GALNT2: variants seen among roughly 807,000 people sequenced by gnomAD.
The protein encoded by GALNT2 is UDP-GalNAc:polypeptide N-acetylgalactosaminyltransferase 2.
GALNT2 carries 31 observed loss-of-function variants against 81.4 expected under a neutral mutation model. The observed-to-expected ratio is 0.38, with a 90% CI of 0.29 to 0.51. The LOEUF (loss-of-function observed/expected upper bound fraction) is 0.51, where lower values mean the gene tolerates loss of function less well. GALNT2 is among the 20% of genes least tolerant of loss of function. GALNT2 has a pLI of 0.87. For missense variants in GALNT2, 629 were observed against 765.7 expected (o/e 0.82, Z 2.11); for synonymous variants, 303 against 287.4 (o/e 1.05, Z -0.55).
chr1:230,169,184 C>G (rs11122455), intron 1 of GALNT2, among the ~76,000 whole-genome samples: 76,469 of 151,982 alleles, frequency 0.5, 20,625 homozygotes, highest in Non-Finnish European at 0.61. Flanking sequence ...AAGTTTAGTA[C>G]CCCTGAATAG....
chr1:230,177,030 G>A (rs752255361), intron 1 of GALNT2, among the ~76,000 whole-genome samples: 48 of 152,186 alleles, frequency 3.2e-4, no homozygotes, highest in Non-Finnish European at 5.4e-4. Flanking sequence ...GAGAAGCAAC[G>A]GAAGCAAAAG....
intron 1 of GALNT2, among the ~76,000 whole-genome samples, chr1:230,072,290 C>T (rs909705985): frequency 1.4e-4 from 20 of 144,664 alleles, no homozygotes; most frequent in African/African-American, 4.9e-4. Flanking sequence ...TCAAAGCAGG[C>T]AAGGCCACTG....
intron 1 of GALNT2, among the ~76,000 whole-genome samples, chr1:230,141,412 A>G (rs964770003): frequency 5.3e-5 from 8 of 152,202 alleles, no homozygotes; most frequent in African/African-American, 1.7e-4. Flanking sequence ...TTCATCTTGC[A>G]AAACTGAAAC....
intron 3 of GALNT2, among the ~76,000 whole-genome samples, chr1:230,206,329 A>G (rs1199276936): frequency 6.6e-6 from 1 of 151,960 alleles, no homozygotes; most frequent in African/African-American, 2.4e-5. Context: ...ATGTTTGAAT[A>G]TTCATCCCAC....
chr1:230,144,079 C>G (rs1394367504), intron 1 of GALNT2, among the ~76,000 whole-genome samples: 1 of 152,172 alleles, frequency 6.6e-6, no homozygotes, highest in Non-Finnish European at 1.5e-5. Flanking sequence ...ACAGCTGTGT[C>G]GTGGGAGGTG....
intron 1 of GALNT2, among the ~76,000 whole-genome samples, chr1:230,080,200 G>A (rs952110596): frequency 6.6e-6 from 1 of 152,202 alleles, no homozygotes; most frequent in Admixed American, 6.5e-5. Context: ...TTTTATTCCA[G>A]TGTTGCAAAG....
In GALNT2 at chr1:230,275,907, T is replaced by G. The variant is rs1429028613; in HGVS notation, c.1560+1343T>G. Among the ~76,000 whole-genome samples, 2 of 150,254 alleles carry G rather than the reference T, an allele frequency of 1.3e-5. No individual in the cohort carries two copies. Among genetic ancestry groups the G allele is most frequent in the African/African-American group, 4.9e-5 (2 of 40,942 alleles). ...TATACATATATAAACACCACATATA[T>G]ACATAGACACCACAGATACATACAT... On this transcript the variant is annotated intron_variant, in intron 15 of 15. Coordinates refer to ENST00000366672, the MANE Select transcript of GALNT2 (RefSeq NM_004481.5). The surrounding 1 kb of genome is among the most constrained non-coding windows in gnomAD (Gnocchi z 5.5).
chr1:230,171,066 A>C (rs1662777100), intron 1 of GALNT2, among the ~76,000 whole-genome samples: 1 of 152,174 alleles, frequency 6.6e-6, no homozygotes, highest in South Asian at 2.1e-4. Flanking sequence ...TTGGAAAGTA[A>C]GTTTTTTTGC....
chr1:230,125,620 G>A (rs1661149721), intron 1 of GALNT2, among the ~76,000 whole-genome samples: 1 of 152,214 alleles, frequency 6.6e-6, no homozygotes, highest in South Asian at 2.1e-4. Context: ...TCTCATCAGA[G>A]GTCATAGATT....
At chr1:230,061,603 G>T (rs1270604562) in intron 1 of GALNT2, among the ~76,000 whole-genome samples, 2 of 151,712 alleles carry the variant, frequency 1.3e-5, no homozygotes, top group Non-Finnish European at 2.9e-5. Context: ...CAGCTTTCTT[G>T]ATTTTATTTT....
chr1:230,124,678 A>G (rs1034494121), intron 1 of GALNT2, among the ~76,000 whole-genome samples: 2 of 152,174 alleles, frequency 1.3e-5, no homozygotes, highest in African/African-American at 2.4e-5. Flanking sequence ...TCCTTGGAGA[A>G]ATAAAAGCCA....
intron 1 of GALNT2, among the ~76,000 whole-genome samples, chr1:230,150,089 G>T (rs986745716): frequency 2.0e-4 from 31 of 152,232 alleles, no homozygotes; most frequent in Non-Finnish European, 3.4e-4. Flanking sequence ...GGGCTTGTGG[G>T]GCTGCTGAGG....
At chr1:230,242,112 T>C (rs937228492) in intron 6 of GALNT2, among the ~76,000 whole-genome samples, 5 of 152,140 alleles carry the variant, frequency 3.3e-5, no homozygotes, top group African/African-American at 1.2e-4. Context: ...AAAGGCTACA[T>C]TGCAGTGGAT....
chr1:230,276,144 ACAC>A (rs1428042539), intron 15 of GALNT2, among the ~76,000 whole-genome samples: 1 of 151,940 alleles, frequency 6.6e-6, no homozygotes, highest in African/African-American at 2.4e-5. Context: ...ATATATATAC[ACAC>A]CACATATATA....
chr1:230,114,139 T>A (rs1660778024), intron 1 of GALNT2, among the ~76,000 whole-genome samples: 1 of 152,168 alleles, frequency 6.6e-6, no homozygotes, highest in Non-Finnish European at 1.5e-5. Flanking sequence ...CCCACTTAGC[T>A]GTGTCTCTGG....
intron 3 of GALNT2, among the ~76,000 whole-genome samples, chr1:230,214,249 A>G (rs889520369): frequency 6.6e-6 from 1 of 152,020 alleles, no homozygotes; most frequent in African/African-American, 2.4e-5. Flanking sequence ...AGTAACTGGG[A>G]TTACAGGCAC....
chr1:230,233,045 C>G (rs1052105518), intron 3 of GALNT2, among the ~76,000 whole-genome samples: 1 of 152,216 alleles, frequency 6.6e-6, no homozygotes, highest in Admixed American at 6.5e-5. Context: ...TCAAAATTCA[C>G]TTCTCTGAAG....
chr1:230,081,263 C>T (rs984533377), intron 1 of GALNT2, among the ~76,000 whole-genome samples: 16 of 152,078 alleles, frequency 1.1e-4, no homozygotes, highest in Non-Finnish European at 1.8e-4. Flanking sequence ...GTGTGAGGAC[C>T]GAGTGGCCCC....
chr1:230,105,951 ACTCAACATTT>A (rs1660531625), intron 1 of GALNT2, among the ~76,000 whole-genome samples: 1 of 152,052 alleles, frequency 6.6e-6, no homozygotes, highest in Admixed American at 6.5e-5. Context: ...ACTCACCTTT[ACTCAACATTT>A]CTGGGCCTCC....
Sources: gnomAD v4.1 joint callset for allele counts (sites outside exome capture counted in the v4.1 genomes callset) on GRCh38, gnomAD v4.1.1 for gene constraint, Gnocchi (gnomAD v3.1) non-coding constraint, MANE v1.5 for transcripts, NCBI Gene and HGNC (gene_info 2026-07-23, HGNC 2026-07-21) for gene names.